DNM2: variants seen among roughly 807,000 people sequenced by gnomAD.
The protein encoded by DNM2 is dynamin-2.
A neutral mutation model predicts 99.0 loss-of-function variants in DNM2; 15 were observed. The observed-to-expected ratio is 0.15, with a 90% CI of 0.10 to 0.23. The LOEUF (loss-of-function observed/expected upper bound fraction) is 0.23, where lower values mean the gene tolerates loss of function less well. Ranked by LOEUF, DNM2 falls within the 10% of genes least tolerant of loss-of-function variation. DNM2 has a pLI of 1.00. For missense variants in DNM2, 742 were observed against 1,189.4 expected (o/e 0.62, Z 5.53); for synonymous variants, 525 against 481.2 (o/e 1.09, Z -1.19).
chr19:10,770,826 C>T (rs1173394093), intron 2 of DNM2, among the ~76,000 whole-genome samples: 1 of 152,164 alleles, frequency 6.6e-6, no homozygotes, highest in Non-Finnish European at 1.5e-5. Context: ...TCATTGATCT[C>T]CCACTGGGTC....
At chr19:10,727,034 TG>T in intron 1 of DNM2, among the ~76,000 whole-genome samples, 1 of 152,312 alleles carries the variant, frequency 6.6e-6, no homozygotes, top group South Asian at 2.1e-4. Flanking sequence ...GATCCTGTCT[TG>T]TTTAAAACGA....
rs565918912 is a variant in DNM2 at position 10,764,751 on chromosome 19, C to G, written c.235+4940C>G. Among the ~76,000 whole-genome samples, 1 of 152,298 alleles carries G rather than the reference C, an allele frequency of 6.6e-6. No homozygotes were observed. Among genetic ancestry groups the G allele is most frequent in the East Asian group, 1.9e-4 (1 of 5,164 alleles). Reference sequence around the variant, plus strand: ...CTGGGACCTCACCTCCTCCTGGTCCCCAGCCACTGCCCCCATCCATCTCCC... The same window carrying G: ...CTGGGACCTCACCTCCTCCTGGTCCGCAGCCACTGCCCCCATCCATCTCCC... On this transcript the variant is annotated intron_variant, in intron 2 of 20. Transcript: ENST00000389253. This position sits in a 1 kb window ranked among gnomAD's most constrained non-coding sequence, Gnocchi z 4.1.
At chr19:10,742,125 C>G (rs936652465) in intron 1 of DNM2, among the ~76,000 whole-genome samples, 1 of 152,022 alleles carries the variant, frequency 6.6e-6, no homozygotes, top group East Asian at 1.9e-4. Context: ...TCACTCTCCC[C>G]CTTGAATTTT....
chr19:10,785,534 G>A (rs907774231), intron 6 of DNM2, among the ~76,000 whole-genome samples: 2 of 152,066 alleles, frequency 1.3e-5, no homozygotes, highest in African/African-American at 4.8e-5. Context: ...GTACTCAAGC[G>A]ATCCTTTTGC....
At chr19:10,719,806 A>G (rs766064521) in intron 1 of DNM2, among the ~76,000 whole-genome samples, 48 of 152,200 alleles carry the variant, frequency 3.2e-4, no homozygotes, top group Non-Finnish European at 6.0e-4. Context: ...CTGTGTTATC[A>G]TCCCCACCTT....
At chr19:10,719,060 T>C (rs2068850164) in intron 1 of DNM2, among the ~76,000 whole-genome samples, 4 of 152,178 alleles carry the variant, frequency 2.6e-5, no homozygotes, top group African/African-American at 9.7e-5. Flanking sequence ...TCTGACTGGC[T>C]AGCTGACTCC....
intron 2 of DNM2, among the ~76,000 whole-genome samples, chr19:10,766,063 G>A (rs2070785950): frequency 6.6e-6 from 1 of 152,192 alleles, no homozygotes; most frequent in Non-Finnish European, 1.5e-5. Flanking sequence ...GAGGTGCTGA[G>A]AGAAGGGTAG....
At chr19:10,724,719 G>A (rs1187751594) in intron 1 of DNM2, among the ~76,000 whole-genome samples, 1 of 152,180 alleles carries the variant, frequency 6.6e-6, no homozygotes, top group African/African-American at 2.4e-5. Flanking sequence ...AAGTAAAGCT[G>A]GTGGCGCTAC....
rs574080758 is a variant in DNM2, at chr19:10,772,119, T to A, written c.236-360T>A. On this transcript the variant is annotated intron_variant, in intron 2 of 20. Coordinates refer to ENST00000389253, the MANE Select transcript of DNM2 (RefSeq NM_001005361.3). This position sits in a 1 kb window ranked among gnomAD's most constrained non-coding sequence, Gnocchi z 4.9. ...TTTTTGAGATGGAGTCTTCTCTGTC[T>A]CCCAGGCTAGAGTGCAGTGGCGCAA... Among the ~76,000 whole-genome samples, 5 of 152,004 alleles carry A rather than the reference T, an allele frequency of 3.3e-5. No homozygotes were observed. Among genetic ancestry groups the A allele is most frequent in the African/African-American group, 1.2e-4 (5 of 41,474 alleles).
chr19:10,784,819 A>T (rs1362098734), intron 6 of DNM2, among the ~76,000 whole-genome samples: 195 of 99,426 alleles, frequency 2.0e-3, no homozygotes, highest in Non-Finnish European at 2.7e-3. Flanking sequence ...TTTTTTGATG[A>T]TTTTTTTTTT....
chr19:10,743,643 T>C (rs2069842631), intron 1 of DNM2, among the ~76,000 whole-genome samples: 1 of 151,614 alleles, frequency 6.6e-6, no homozygotes, highest in Non-Finnish European at 1.5e-5. Flanking sequence ...ACTCCGTCTC[T>C]ACTAAAAATA....
intron 1 of DNM2, 25 bp from the exon 2 acceptor site, chr19:10,759,713 T>A (rs780527194): frequency 6.2e-7 from 1 of 1,613,896 alleles, no homozygotes; most frequent in Non-Finnish European, 8.5e-7. Flanking sequence ...CAAGAGTAAT[T>A]TCTGTCCCTC....
chr19:10,759,639 C>A, intron 1 of DNM2, 99 bp from the exon 2 acceptor site: 2 of 1,505,060 alleles, frequency 1.3e-6, no homozygotes, highest in South Asian at 2.3e-5. Context: ...CTGAGGTCGC[C>A]CAAATTGCAA....
intron 5 of DNM2, among the ~76,000 whole-genome samples, chr19:10,780,787 G>A (rs1728533359): frequency 6.6e-6 from 1 of 152,042 alleles, no homozygotes; most frequent in South Asian, 2.1e-4. Context: ...TCCAGGCTGG[G>A]CACAGTGGCT....
At chr19:10,745,539 TA>T (rs1231484448) in intron 1 of DNM2, among the ~76,000 whole-genome samples, 1 of 151,640 alleles carries the variant, frequency 6.6e-6, no homozygotes, top group Non-Finnish European at 1.5e-5. Context: ...AAAACACAAA[TA>T]AAAAAAGTTA....
chr19:10,786,326 G>A, intron 6 of DNM2: 1 of 621,496 alleles, frequency 1.6e-6, no homozygotes, highest in Non-Finnish European at 2.8e-6. Context: ...AGTGCCTGAT[G>A]TCGGCCCCGT....
chr19:10,817,297 T>C lies in DNM2; in HGVS notation c.1672-2683T>C, dbSNP rs554534163. ...CCCTCTGCCTTTCCCCAGTGCCTCTTCTCCCACCCAGGCCCTCGAATCTTC... is the reference window on the plus strand; with the variant it reads ...CCCTCTGCCTTTCCCCAGTGCCTCTCCTCCCACCCAGGCCCTCGAATCTTC... On this transcript the variant is annotated intron_variant, in intron 15 of 20. Coordinates refer to ENST00000389253, the MANE Select transcript of DNM2 (RefSeq NM_001005361.3). This position sits in a 1 kb window ranked among gnomAD's most constrained non-coding sequence, Gnocchi z 4.6. The C allele has an allele frequency of 6.3e-4, 247 of 389,808 alleles. 3 individuals are homozygous for C. In the Middle Eastern group the frequency reaches 6.6e-3, roughly 10 times the overall value. The allele number at this position is 389,808 out of a possible 1,614,324, so 24.1% of individuals were successfully genotyped here.
At position 10,772,974 on chromosome 19, in the gene DNM2, C is replaced by A. The variant is rs1177858396; in HGVS notation, c.385+346C>A. The stretch of plus-strand genomic sequence containing the variant: ...CCAGAACCAGTCTTCTGTAAAATAT[C>A]CTGGGTTTTTTTTTTTTTTTTTTGA... On this transcript the variant is annotated intron_variant, in intron 3 of 20. Transcript: ENST00000389253. The surrounding 1 kb of genome is among the most constrained non-coding windows in gnomAD (Gnocchi z 4.9). Among the ~76,000 whole-genome samples the A allele has an allele frequency of 7.8e-6, 1 of 128,108 alleles. No homozygotes were observed. The highest frequency in any genetic ancestry group is 2.5e-4 in the South Asian group (1 of 3,984). The allele number at this position is 128,108 out of a possible 152,430, so 84.0% of individuals were successfully genotyped here. A position where few individuals can be genotyped will look rare whatever the true frequency, so the allele number is the denominator to read the frequency against.
chr19:10,799,401 C>T (rs779486157), intron 11 of DNM2, among the ~76,000 whole-genome samples: 8 of 151,878 alleles, frequency 5.3e-5, no homozygotes, highest in Non-Finnish European at 1.0e-4. Context: ...GGGAGCCAAG[C>T]GTGTTGTTTG....
Sources: gnomAD v4.1 joint callset for allele counts (sites outside exome capture counted in the v4.1 genomes callset) on GRCh38, gnomAD v4.1.1 for gene constraint, Gnocchi (gnomAD v3.1) non-coding constraint, MANE v1.5 for transcripts, NCBI Gene and HGNC (gene_info 2026-07-23, HGNC 2026-07-21) for gene names.